The following ALDH1L2 variants were observed in gnomAD, a reference collection of about 807,000 sequenced individuals.
ALDH1L2 encodes aldehyde dehydrogenase 1 family member L2.
A neutral mutation model predicts 111.0 loss-of-function variants in ALDH1L2; 91 were observed. The ratio of observed to expected loss-of-function variants is 0.82; its 90% CI spans 0.69 to 0.98. The LOEUF (loss-of-function observed/expected upper bound fraction) is 0.98, where lower values mean the gene tolerates loss of function less well. Ranked by LOEUF, ALDH1L2 falls within the 50% of genes least tolerant of loss-of-function variation. The probability of loss-of-function intolerance (pLI) is 0.00; values close to 1 mark genes in which losing one functional copy is unlikely to be tolerated. For synonymous variants in ALDH1L2, 374 were observed against 392.6 expected (o/e 0.95, Z 0.56); for missense variants, 995 against 1,126.8 (o/e 0.88, Z 1.67).
At chr12:105,027,246 T>TA (rs1402738345) in intron 21 of ALDH1L2, among the ~76,000 whole-genome samples, 1 of 152,236 alleles carries the variant, frequency 6.6e-6, no homozygotes, top group Non-Finnish European at 1.5e-5. Context: ...TTACTAGTAT[T>TA]ACATTTTTCA....
rs1056517500 is a variant in ALDH1L2 at position 105,023,619 on chromosome 12, A to G, written c.*805T>C. On this transcript the variant is annotated 3_prime_UTR_variant, in exon 23 of 23. Transcript: ENST00000258494. ...TCCTATTAAGGGTCCTGAGGAAGGCATTTACTATCCCTGTTTTACACATAG... is the reference window on the plus strand; with the variant it reads ...TCCTATTAAGGGTCCTGAGGAAGGCGTTTACTATCCCTGTTTTACACATAG... 9.9e-5 allele frequency: 15 copies of G among 152,214 alleles called. No individual in the cohort carries two copies. Among genetic ancestry groups the G allele is most frequent in the African/African-American group, 2.9e-4 (12 of 41,460 alleles). The allele number at this position is 152,214 out of a possible 1,614,324, so 9.4% of individuals were successfully genotyped here.
intron 10 of ALDH1L2, among the ~76,000 whole-genome samples, chr12:105,055,869 T>A (rs1876593093): frequency 6.6e-6 from 1 of 151,616 alleles, no homozygotes; most frequent in Non-Finnish European, 1.5e-5. Flanking sequence ...CAGGAAGGAA[T>A]AAGAATAAAG....
Position 105,073,919 on chromosome 12 carries a change from G to A in ALDH1L2, c.135C>T (p.Gly45=). 1.2e-6 allele frequency: 2 copies of A among 1,614,106 alleles called. No homozygotes were observed. The highest frequency in any genetic ancestry group is 1.7e-6 in the Non-Finnish European group (2 of 1,180,022). ...QEVYSHLRKE[G]HRVVGVFTVP... ...CTGTGAACACCCCTACTACTCGGTGGCCCTCTTTGCGGAGGTGGCTATAGA... is the reference window on the plus strand; with the variant it reads ...CTGTGAACACCCCTACTACTCGGTGACCCTCTTTGCGGAGGTGGCTATAGA... Residue 45 remains glycine, a synonymous_variant, in exon 2 of 23, where the codon GGC becomes GGT. Transcript: ENST00000258494.
chr12:105,065,279 C>T lies in ALDH1L2; in HGVS notation c.774G>A (p.Glu258=). Residue 258 remains glutamate (E), a synonymous_variant, in exon 6 of 23, where the codon GAG becomes GAA. Transcript: ENST00000258494. ...CCCTAAAACATACCTGTCCATTTAT[C>T]TCTGTCCAAGCTCCAGGGACTTTAT... is the stretch of plus-strand genomic sequence containing the variant. ...GHDKVPGAWT[E]INGQMVTFYG... 6.2e-7 allele frequency: 1 copy of T among 1,607,400 alleles called. No homozygotes were observed. The highest frequency in any genetic ancestry group is 8.5e-7 in the Non-Finnish European group (1 of 1,175,378).
At chr12:105,033,370 T>C (rs959141808) in intron 19 of ALDH1L2, among the ~76,000 whole-genome samples, 1 of 152,240 alleles carries the variant, frequency 6.6e-6, no homozygotes, top group Admixed American at 6.5e-5. Flanking sequence ...GCCCATGATA[T>C]ATAGCACTGC....
intron 21 of ALDH1L2, 127 bp downstream of exon 21, chr12:105,030,192 TTTAAG>T (rs1874623727): frequency 3.5e-6 from 2 of 571,150 alleles, no homozygotes; most frequent in Non-Finnish European, 5.4e-6. Context: ...CTTCTAATTA[TTTAAG>T]TTAATTATTC....
chr12:105,034,550 G>A (rs909218962), intron 18 of ALDH1L2, 152 bp from the exon 19 acceptor site: 11 of 623,508 alleles, frequency 1.8e-5, no homozygotes, highest in Non-Finnish European at 3.0e-5. Context: ...AGTGATGAGA[G>A]CTTCTTGGAG....
rs1422794344 is a variant in ALDH1L2, at chr12:105,031,918, T to G, written c.2261A>C (p.Lys754Thr). 2 of 1,614,108 alleles carry G rather than the reference T, an allele frequency of 1.2e-6. No individual in the cohort carries two copies. Among genetic ancestry groups the G allele is most frequent in the African/African-American group, 2.7e-5 (2 of 75,044 alleles). ...GTCAAGTGGATCACCAATTTTCATC[T>G]TTTTAATTTCTTCTACCTGTATGTT... ...FVTRVVEEIK[K>T]MKIGDPLDRS... Residue 754 changes from lysine to threonine, a missense_variant, in exon 20 of 23, where the codon AAG (lysine) becomes ACG (threonine). Coordinates refer to ENST00000258494, the MANE Select transcript of ALDH1L2 (RefSeq NM_001034173.4).
intron 18 of ALDH1L2, 48 bp downstream of exon 18, chr12:105,038,055 C>T: frequency 6.5e-7 from 1 of 1,530,026 alleles, no homozygotes; most frequent in Non-Finnish European, 9.0e-7. Flanking sequence ...GCGTGAGCCA[C>T]CTCACCTGGC....
chr12:105,078,384 G>A (rs1432912769), intron 1 of ALDH1L2, among the ~76,000 whole-genome samples: 4 of 152,106 alleles, frequency 2.6e-5, no homozygotes, highest in Admixed American at 2.0e-4. Context: ...GCTTGAACCC[G>A]GGAGGCAGAA....
intron 6 of ALDH1L2, 107 bp downstream of exon 6, chr12:105,065,160 G>T: frequency 2.9e-6 from 2 of 689,634 alleles, no homozygotes; most frequent in Non-Finnish European, 5.0e-6. Flanking sequence ...TCACAGACCT[G>T]CCTCATGACC....
At position 105,049,891 on chromosome 12, in the gene ALDH1L2, A is replaced by G; in HGVS notation, c.1686+17T>C. ...TTAGTCCCTTTTTCTTTCAGAACAA[A>G]TAATATTTGTGCTTACCTGAATTTT... is the stretch of plus-strand genomic sequence containing the variant. On this transcript the variant is annotated intron_variant, in intron 13 of 22. Coordinates refer to ENST00000258494, the MANE Select transcript of ALDH1L2 (RefSeq NM_001034173.4). 6.2e-7 allele frequency: 1 copy of G among 1,603,466 alleles called. No individual in the cohort carries two copies. Among genetic ancestry groups the G allele is most frequent in the South Asian group, 1.1e-5 (1 of 88,760 alleles).
chr12:105,048,488 C>G (rs550482388), intron 13 of ALDH1L2: 34 of 152,278 alleles, frequency 2.2e-4, no homozygotes, highest in African/African-American at 7.2e-4. Context: ...ACCACTCCCC[C>G]TTTCTCACTT....
intron 10 of ALDH1L2, 75 bp downstream of exon 10, chr12:105,057,998 G>A (rs141957012): frequency 7.0e-7 from 1 of 1,433,584 alleles, no homozygotes; most frequent in Non-Finnish European, 9.2e-7. Context: ...AAAACAAATG[G>A]GCAACAGGCA....
chr12:105,055,552 A>G (rs993891590), intron 10 of ALDH1L2, among the ~76,000 whole-genome samples: 3 of 152,162 alleles, frequency 2.0e-5, no homozygotes. Flanking sequence ...AGTATGGCCT[A>G]TAAACAGGTG....
intron 1 of ALDH1L2, among the ~76,000 whole-genome samples, chr12:105,083,907 C>A: frequency 6.6e-6 from 1 of 152,198 alleles, no homozygotes; most frequent in East Asian, 1.9e-4. Context: ...ATTATCTGAA[C>A]CGGCCCTGCG....
intron 19 of ALDH1L2, among the ~76,000 whole-genome samples, chr12:105,032,641 A>C (rs1874772164): frequency 6.6e-6 from 1 of 152,162 alleles, no homozygotes; most frequent in African/African-American, 2.4e-5. Context: ...ACCACTAAAT[A>C]CTGTAGACTT....
chr12:105,050,255 A>G, intron 12 of ALDH1L2, 197 bp from the exon 13 acceptor site: 1 of 462,244 alleles, frequency 2.2e-6, no homozygotes. Context: ...CAAGAATTAC[A>G]AAGGAGAAGC....
Position 105,084,291 on chromosome 12 carries a change from G to T in ALDH1L2, c.48+98C>A. The T allele has an allele frequency of 9.1e-6, 12 of 1,321,118 alleles. No homozygotes were observed. The South Asian group carries it at 1.5e-4, about 17-fold the overall frequency. The allele number at this position is 1,321,118 out of a possible 1,614,324, so 81.8% of individuals were successfully genotyped here. A position where few individuals can be genotyped will look rare whatever the true frequency, so the allele number is the denominator to read the frequency against. On this transcript the variant is annotated intron_variant, in intron 1 of 22. Coordinates refer to ENST00000258494, the MANE Select transcript of ALDH1L2 (RefSeq NM_001034173.4). ...TGGTGTTTAGCAAAGTCTAAGCATC[G>T]CTGCTCATCCCCAGCCCCACCGCCC...
Sources: gnomAD v4.1 joint callset for allele counts (sites outside exome capture counted in the v4.1 genomes callset) on GRCh38, gnomAD v4.1.1 for gene constraint, MANE v1.5 for transcripts, NCBI Gene and HGNC (gene_info 2026-07-23, HGNC 2026-07-21) for gene names.